Variants in CTRB2 observed in about 807,000 individuals in gnomAD.
The protein encoded by CTRB2 is chymotrypsinogen B2.
Under a neutral mutation model 19.3 loss-of-function variants are expected in CTRB2, and 9 were observed. The ratio of observed to expected loss-of-function variants is 0.47; its 90% confidence interval spans 0.28 to 0.81. The LOEUF is 0.81. Ranked by LOEUF, CTRB2 falls within the 40% of genes least tolerant of loss-of-function variation. The pLI is 0.11. For synonymous variants in CTRB2, 98 were observed against 117.3 expected (o/e 0.84, Z 1.06); for missense variants, 210 against 269.7 (o/e 0.78, Z 1.55).
chr16:75,204,156 C>A lies in CTRB2; in HGVS notation c.*5G>T, dbSNP rs759239567. On this transcript the variant is annotated 3_prime_UTR_variant, in exon 7 of 7. Coordinates refer to ENST00000303037, the MANE Select transcript of CTRB2 (RefSeq NM_001025200.4). Reference sequence around the variant, plus strand: ...CTTAAGGCAGGGGTGGCAGGAGCTGCGGGCTCAGTTGGCGGCCAGGATCTT... The same window carrying A: ...CTTAAGGCAGGGGTGGCAGGAGCTGAGGGCTCAGTTGGCGGCCAGGATCTT... The A allele has an allele frequency of 8.7e-6, 14 of 1,614,096 alleles. No individual in the cohort carries two copies. The highest frequency in any genetic ancestry group is 2.2e-5 in the East Asian group (1 of 44,876).
intron 1 of CTRB2, chr16:75,206,725 C>G (rs1597117712): frequency 2.7e-6 from 1 of 370,890 alleles, no homozygotes; most frequent in Non-Finnish European, 5.1e-6. Context: ...CCCCAGCTGC[C>G]CACACATTCA....
intron 6 of CTRB2, among the ~76,000 whole-genome samples, 182 bp from the exon 7 acceptor site, chr16:75,204,504 G>C (rs1267129458): frequency 1.3e-5 from 2 of 152,094 alleles, no homozygotes; most frequent in Non-Finnish European, 2.9e-5. Context: ...CTCTTGGAGG[G>C]AGCTGGGGCA....
chr16:75,207,145 G>T lies in CTRB2; in HGVS notation c.-4C>A. ...AGAGGAGCCAGAGGAAAGCCATGGT[G>T]CCGCTGGCAGGGGTGTAGGACGCCT... On this transcript the variant is annotated 5_prime_UTR_variant, in exon 1 of 7. Transcript: ENST00000303037. 6.4e-7 allele frequency: 1 copy of T among 1,557,166 alleles called. No homozygotes were observed.
chr16:75,206,948 A>C, intron 1 of CTRB2, 142 bp downstream of exon 1: 5 of 788,682 alleles, frequency 6.3e-6, no homozygotes, highest in Non-Finnish European at 4.2e-6. Context: ...CGCCCACGGC[A>C]GAGATGGAGC....
At chr16:75,206,474 G>A (rs1187875393) in intron 1 of CTRB2, 11 of 516,562 alleles carry the variant, frequency 2.1e-5, no homozygotes, top group East Asian at 1.9e-4. Context: ...CGGCAGCCCC[G>A]GCGCTCAGTC....
intron 1 of CTRB2, chr16:75,206,662 T>C (rs1001457207): frequency 3.4e-6 from 1 of 294,926 alleles, no homozygotes; most frequent in Non-Finnish European, 6.5e-6. Flanking sequence ...TGAGCAGGAG[T>C]TTAAGAGGGT....
intron 6 of CTRB2, 168 bp downstream of exon 6, chr16:75,204,605 C>T: frequency 7.4e-7 from 1 of 1,355,588 alleles, no homozygotes; most frequent in Non-Finnish European, 1.0e-6. Flanking sequence ...GCAGCCTCAG[C>T]TGCATGGCCT....
At position 75,204,137 on chromosome 16, in the gene CTRB2, G is replaced by A; in HGVS notation, c.*24C>T. ...GATGCATTTAATGGGAAATCTTAAG[G>A]CAGGGGTGGCAGGAGCTGCGGGCTC... On this transcript the variant is annotated 3_prime_UTR_variant, in exon 7 of 7. Coordinates refer to ENST00000303037, the MANE Select transcript of CTRB2 (RefSeq NM_001025200.4). 1 of 1,614,046 alleles carries A rather than the reference G, an allele frequency of 6.2e-7. No individual in the cohort carries two copies. The highest frequency in any genetic ancestry group is 8.5e-7 in the Non-Finnish European group (1 of 1,179,920).
intron 6 of CTRB2, 169 bp downstream of exon 6, chr16:75,204,604 G>C (rs1376511856): frequency 5.2e-6 from 7 of 1,352,646 alleles, no homozygotes; most frequent in Non-Finnish European, 7.0e-6. Context: ...GGCAGCCTCA[G>C]CTGCATGGCC....
Position 75,204,323 on chromosome 16 carries a change from C to G in CTRB2, c.631-1G>C, listed in dbSNP as rs1333324578. ...AGACCAGGGGGCCTCCAGAGTCACCCTGCAGGAAGGAGAGGAAGTATCTCT... is the reference window on the plus strand; with the variant it reads ...AGACCAGGGGGCCTCCAGAGTCACCGTGCAGGAAGGAGAGGAAGTATCTCT... On this transcript the variant is annotated splice_acceptor_variant, in intron 6 of 6. Coordinates refer to ENST00000303037, the MANE Select transcript of CTRB2 (RefSeq NM_001025200.4). LOFTEE classifies it high-confidence loss of function. The G allele has an allele frequency of 6.2e-7, 1 of 1,613,740 alleles. No homozygotes were observed. The highest frequency in any genetic ancestry group is 2.2e-5 in the East Asian group (1 of 44,872).
intron 6 of CTRB2, among the ~76,000 whole-genome samples, 185 bp from the exon 7 acceptor site, chr16:75,204,507 C>A (rs1490946460): frequency 6.6e-6 from 1 of 152,124 alleles, no homozygotes; most frequent in African/African-American, 2.4e-5. Context: ...TTGGAGGGAG[C>A]TGGGGCAGGT....
At chr16:75,204,986 G>C (rs2038877262) in intron 5 of CTRB2, 80 bp from the exon 6 acceptor site, 1 of 456,436 alleles carries the variant, frequency 2.2e-6, no homozygotes, top group Non-Finnish European at 3.7e-6. Context: ...CGACACGCCT[G>C]CCCTACCCTG....
In CTRB2 at chr16:75,204,800, G is replaced by C; in HGVS notation, c.603C>G (p.Ala201=). ...TGCAGGAGGAGACGCCACTGGCCCCGGCACAGATCATCACGTCGGTGATCC... is the reference window on the plus strand; with the variant it reads ...TGCAGGAGGAGACGCCACTGGCCCCCGCACAGATCATCACGTCGGTGATCC... ...GRRITDVMIC[A]GASGVSSCMG... The change falls in exon 6 of 7, where the codon GCC becomes GCG. Residue 201 remains alanine (A), a synonymous_variant. Coordinates refer to ENST00000303037, the MANE Select transcript of CTRB2 (RefSeq NM_001025200.4). 1.4e-6 allele frequency: 2 copies of C among 1,440,420 alleles called. No individual in the cohort carries two copies. Among genetic ancestry groups the C allele is most frequent in the Non-Finnish European group, 1.9e-6 (2 of 1,060,866 alleles). 89.2% of individuals were successfully genotyped at this position (1,440,420 alleles called of 1,614,324 possible).
rs1413605355 is a variant in CTRB2 at position 75,204,289 on chromosome 16, C to T, written c.664G>A (p.Asp222Asn). 1.2e-6 allele frequency: 2 copies of T among 1,613,972 alleles called. No homozygotes were observed. The highest frequency in any genetic ancestry group is 1.7e-6 in the Non-Finnish European group (2 of 1,180,018). ...ATGCCCACCAGGGTCCAGGCTCCGT[C>T]CTTCTGGCAGACCAGGGGGCCTCCA... ...DSGGPLVCQK[D>N]GAWTLVGIVS... The change falls in exon 7 of 7, where the codon GAC becomes AAC. Residue 222 changes from aspartate to asparagine, a missense_variant. By Grantham distance (23) the Asp-to-Asn change is conservative. Transcript: ENST00000303037.
chr16:75,206,417 G>A lies in CTRB2; in HGVS notation c.53-224C>T, dbSNP rs779306281. 2.0e-5 allele frequency: 12 copies of A among 586,716 alleles called. No individual in the cohort carries two copies. The South Asian group carries it at 2.1e-4, about 10-fold the overall frequency. The allele number at this position is 586,716 out of a possible 1,614,324, so 36.3% of individuals were successfully genotyped here. A position where few individuals can be genotyped will look rare whatever the true frequency, so the allele number is the denominator to read the frequency against. ...TGGGCTGCTGAGGAATGGGGTGTTG[G>A]CCCCACCTCAGTTCGGAGAAGTCAC... is the stretch of plus-strand genomic sequence containing the variant. On this transcript the variant is annotated intron_variant, in intron 1 of 6. Transcript: ENST00000303037.
At chr16:75,205,536 CG>C in intron 4 of CTRB2, 23 bp from the exon 5 acceptor site, 1 of 500,608 alleles carries the variant, frequency 2.0e-6, no homozygotes, top group Non-Finnish European at 3.5e-6. Context: ...GCCAGAGTGC[CG>C]GGGTGAGGCC....
intron 6 of CTRB2, among the ~76,000 whole-genome samples, chr16:75,204,549 T>C (rs1032952444): frequency 6.6e-6 from 1 of 152,062 alleles, no homozygotes; most frequent in Non-Finnish European, 1.5e-5. Flanking sequence ...GCACCATCCA[T>C]CTCTCCAAAC....
chr16:75,204,600 C>T, intron 6 of CTRB2, 173 bp downstream of exon 6: 1 of 1,323,586 alleles, frequency 7.6e-7, no homozygotes, highest in South Asian at 1.4e-5. Flanking sequence ...CAGGGGCAGC[C>T]TCAGCTGCAT....
chr16:75,206,863 A>G (rs887340415), intron 1 of CTRB2: 57 of 542,760 alleles, frequency 1.1e-4, no homozygotes, highest in Middle Eastern at 1.0e-3. Context: ...GGGGGTGAGG[A>G]AGGGGAGCGG....
Sources: allele counts gnomAD v4.1 joint callset (sites outside exome capture counted in the v4.1 genomes callset), GRCh38; gene constraint gnomAD v4.1.1; transcripts MANE v1.5; gene names NCBI Gene and HGNC (gene_info 2026-07-23, HGNC 2026-07-21).